The following PIK3R2 variants were observed in gnomAD, a reference collection of about 807,000 sequenced individuals.
PIK3R2 encodes phosphoinositide-3-kinase regulatory subunit 2.
PIK3R2 carries 40 observed loss-of-function variants against 78.5 expected under a neutral mutation model. The ratio of observed to expected loss-of-function variants is 0.51; its 90% CI spans 0.40 to 0.66. The LOEUF is 0.66. PIK3R2 is among the 30% of genes least tolerant of loss of function. PIK3R2 has a pLI of 0.00. For missense variants in PIK3R2, 880 were observed against 1,026.6 expected, an observed-to-expected ratio of 0.86 and a Z score of 1.95; for synonymous variants, 473 against 457.7, an observed-to-expected ratio of 1.03 and a Z score of -0.43.
intron 9 of PIK3R2, 178 bp from the exon 10 acceptor site, chr19:18,162,789 C>T: frequency 1.6e-6 from 1 of 624,568 alleles, no homozygotes; most frequent in Non-Finnish European, 2.8e-6. Context: ...ACTCGGGAGG[C>T]TGAGGCAGGA....
chr19:18,153,251 C>T lies in PIK3R2; in HGVS notation c.-467C>T, dbSNP rs1038024149. 2.6e-5 allele frequency: 4 copies of T among 156,538 alleles called. No homozygotes were observed. The highest frequency in any genetic ancestry group is 4.2e-5 in the Non-Finnish European group (3 of 71,110). The allele number at this position is 156,538 out of a possible 1,614,324, so 9.7% of individuals were successfully genotyped here. ...CGGTGGAGCCACGGGGCGGGCTTGGCTTGGTGTGACGGCGGCTGCGGCGGC... is the reference window on the plus strand; with the variant it reads ...CGGTGGAGCCACGGGGCGGGCTTGGTTTGGTGTGACGGCGGCTGCGGCGGC... On this transcript the variant is annotated 5_prime_UTR_variant, in exon 1 of 16. Coordinates refer to ENST00000222254, the MANE Select transcript of PIK3R2 (RefSeq NM_005027.4).
intron 2 of PIK3R2, among the ~76,000 whole-genome samples, chr19:18,159,254 G>T (rs755829391): frequency 8.7e-5 from 13 of 148,884 alleles, no homozygotes; most frequent in Non-Finnish European, 1.6e-4. Flanking sequence ...GCCTCCCAAA[G>T]TGTTGAGATT....
At position 18,168,744 on chromosome 19, in the gene PIK3R2, G is replaced by A. The variant is rs770299300; in HGVS notation, c.1827G>A (p.Glu609=). The change falls in exon 15 of 16, where the codon GAG becomes GAA. Residue 609 remains glutamate (E), a synonymous_variant. Transcript: ENST00000222254. The surrounding 1 kb of genome is among the most constrained non-coding windows in gnomAD (Gnocchi z 4.1). ...NETEDQYALM[E]DEDDLPHHEE... is the part of the protein sequence containing the mutation. ...ACCCCAGCCAGTACGCACTCATGGA[G>A]GACGAGGACGATCTCCCGCACCACG... 6.8e-6 allele frequency: 11 copies of A among 1,613,346 alleles called. No individual in the cohort carries two copies. Among genetic ancestry groups the A allele is most frequent in the South Asian group, 1.1e-5 (1 of 91,072 alleles).
intron 12 of PIK3R2, 27 bp downstream of exon 12, chr19:18,166,329 C>T: frequency 6.3e-7 from 1 of 1,599,440 alleles, no homozygotes; most frequent in African/African-American, 1.3e-5. Flanking sequence ...TGCCCTGCCC[C>T]ACCCCACCCT....
In PIK3R2 at chr19:18,161,036, G is replaced by T. The variant is rs913264658; in HGVS notation, c.467-18G>T. 1 of 1,611,306 alleles carries T rather than the reference G, an allele frequency of 6.2e-7. No individual in the cohort carries two copies. On this transcript the variant is annotated intron_variant, in intron 4 of 15. Transcript: ENST00000222254. The surrounding 1 kb of genome is among the most constrained non-coding windows in gnomAD (Gnocchi z 5.3). The stretch of plus-strand genomic sequence containing the variant: ...CCCAGTACACATGAGTTGGACGTGT[G>T]CCCCCCTGCACCCGCAGACTGGTCC...
rs772195721 is a variant in PIK3R2, at chr19:18,168,923, C to G, written c.1979+27C>G. 1.2e-6 allele frequency: 2 copies of G among 1,600,214 alleles called. No homozygotes were observed. The highest frequency in any genetic ancestry group is 1.7e-6 in the Non-Finnish European group (2 of 1,172,964). ...TGAGTGGACCGCAGCGGTGGGGATT[C>G]CCGCGTCCCTCCCAGAGCTCTCATT... is the stretch of plus-strand genomic sequence containing the variant. On this transcript the variant is annotated intron_variant, in intron 15 of 15. Transcript: ENST00000222254. The surrounding 1 kb of genome is among the most constrained non-coding windows in gnomAD (Gnocchi z 4.1).
chr19:18,167,825 A>G lies in PIK3R2; in HGVS notation c.1736+519A>G, dbSNP rs118181542. On this transcript the variant is annotated intron_variant, in intron 13 of 15. Coordinates refer to ENST00000222254, the MANE Select transcript of PIK3R2 (RefSeq NM_005027.4). The surrounding 1 kb of genome is among the most constrained non-coding windows in gnomAD (Gnocchi z 4.5). Reference sequence around the variant, plus strand: ...TTTGCAGTGAGCAGAGATTATGCCAATGCAGTTCAGCCTGGGCAACAGAGC... The same window carrying G: ...TTTGCAGTGAGCAGAGATTATGCCAGTGCAGTTCAGCCTGGGCAACAGAGC... Among the ~76,000 whole-genome samples the G allele has an allele frequency of 2.3e-4, 35 of 152,248 alleles. No individual in the cohort carries two copies. The East Asian group carries it at 2.5e-3, about 11-fold the overall frequency.
rs776287462 is a variant in PIK3R2 at position 18,167,159 on chromosome 19, C to A, written c.1589C>A (p.Ser530Tyr). The A allele has an allele frequency of 6.2e-7, 1 of 1,603,912 alleles. No homozygotes were observed. Among genetic ancestry groups the A allele is most frequent in the Non-Finnish European group, 8.5e-7 (1 of 1,175,150 alleles). Residue 530 changes from serine to tyrosine, a missense_variant, in exon 13 of 16, where the codon TCC becomes TAC. Coordinates refer to ENST00000222254, the MANE Select transcript of PIK3R2 (RefSeq NM_005027.4). The surrounding 1 kb of genome is among the most constrained non-coding windows in gnomAD (Gnocchi z 4.5). ...RILLNSERLK[S>Y]RIAEIHESRT... ...CTGCTGAACTCCGAGCGGCTCAAGT[C>A]CCGCATTGCCGAGATCCATGAGAGC...
intron 3 of PIK3R2, 135 bp from the exon 4 acceptor site, chr19:18,160,784 C>T: frequency 8.9e-7 from 1 of 1,129,352 alleles, no homozygotes; most frequent in Non-Finnish European, 1.3e-6. Flanking sequence ...TCTCCCAGTT[C>T]TCCCTCCCCA....
rs2384985 is a variant in PIK3R2, at chr19:18,156,736, A to G, written c.322+535A>G. On this transcript the variant is annotated intron_variant, in intron 2 of 15. Transcript: ENST00000222254. The surrounding 1 kb of genome is among the most constrained non-coding windows in gnomAD (Gnocchi z 4.2). ...TCCAAAATGAAGCCACAAGGAGGGT[A>G]GGATGTGGGCTGCTCAGCTGAGGCC... Among the ~76,000 whole-genome samples, 145,426 of 152,234 alleles carry G rather than the reference A, an allele frequency of 0.96. 69,480 individuals carry two copies. Among genetic ancestry groups the G allele is most frequent in the African/African-American group, 0.97 (40,176 of 41,538 alleles).
chr19:18,155,935 G>A lies in PIK3R2; in HGVS notation c.56G>A (p.Arg19Gln), dbSNP rs754693011. The A allele has an allele frequency of 1.7e-5, 27 of 1,570,076 alleles. No homozygotes were observed. The highest frequency in any genetic ancestry group is 3.3e-4 in the Middle Eastern group (2 of 6,024). Residue 19 changes from arginine (R) to glutamine (Q), a missense_variant, in exon 2 of 16, where the codon CGG (arginine) becomes CAG (glutamine). By Grantham distance (43) the Arg-to-Gln change is conservative. Around this residue, in one of 3 missense-constraint regions of PIK3R2, gnomAD observed 456 missense variants for 486.6 expected, o/e 0.94. Coordinates refer to ENST00000222254, the MANE Select transcript of PIK3R2 (RefSeq NM_005027.4). The part of the protein sequence containing the change: ...YRALYPFRRE[R>Q]PEDLELLPGD... ...GCTCTGTACCCGTTCCGCCGGGAGC[G>A]GCCGGAGGACCTGGAGCTGCTGCCC... is the stretch of plus-strand genomic sequence containing the variant.
In PIK3R2 at chr19:18,156,285, T is replaced by TC; in HGVS notation, c.322+85dup. On this transcript the variant is annotated intron_variant, in intron 2 of 15. Coordinates refer to ENST00000222254, the MANE Select transcript of PIK3R2 (RefSeq NM_005027.4). This position sits in a 1 kb window ranked among gnomAD's most constrained non-coding sequence, Gnocchi z 4.2. Reference sequence around the variant, plus strand: ...TCTTCTGTCCAGTGAGGCAATGGGATCTCCAAGGAAGGAGGAAAAAGGACA... The same window carrying TC: ...TCTTCTGTCCAGTGAGGCAATGGGATCCTCCAAGGAAGGAGGAAAAAGGACA... 9.1e-7 allele frequency: 1 copy of TC among 1,094,190 alleles called. No individual in the cohort carries two copies. The highest frequency in any genetic ancestry group is 1.8e-5 in the South Asian group (1 of 55,946). The allele number at this position is 1,094,190 out of a possible 1,614,324, so 67.8% of individuals were successfully genotyped here.
At chr19:18,163,196 G>A in intron 10 of PIK3R2, 49 bp downstream of exon 10, 1 of 1,613,660 alleles carries the variant, frequency 6.2e-7, no homozygotes, top group Non-Finnish European at 8.5e-7. Flanking sequence ...GCTGGCCCCA[G>A]GCCTCAGTTT....
Position 18,166,173 on chromosome 19 carries a change from A to G in PIK3R2, c.1430A>G (p.Lys477Arg). The change falls in exon 12 of 16, where the codon AAG (lysine) becomes AGG (arginine). Residue 477 changes from lysine to arginine, a missense_variant. Coordinates refer to ENST00000222254, the MANE Select transcript of PIK3R2 (RefSeq NM_005027.4). Reference sequence around the variant, plus strand: ...CCCCTCCTCCAGGAGCTGCAGATGAAGCGTACTGCAATTGAGGCCTTCAAT... The same window carrying G: ...CCCCTCCTCCAGGAGCTGCAGATGAGGCGTACTGCAATTGAGGCCTTCAAT... Reference protein sequence around the residue: ...YTRTSQELQMKRTAIEAFNET... With the variant: ...YTRTSQELQMRRTAIEAFNET... 1 of 1,613,914 alleles carries G rather than the reference A, an allele frequency of 6.2e-7. No individual in the cohort carries two copies. Among genetic ancestry groups the G allele is most frequent in the Non-Finnish European group, 8.5e-7 (1 of 1,179,834 alleles).
In PIK3R2 at chr19:18,161,113, A is replaced by G. The variant is rs1402117198; in HGVS notation, c.526A>G (p.Ser176Gly). 10 of 1,593,488 alleles carry G rather than the reference A, an allele frequency of 6.3e-6. No homozygotes were observed. Among genetic ancestry groups the G allele is most frequent in the Non-Finnish European group, 7.7e-6 (9 of 1,171,056 alleles). Reference protein sequence around the residue: ...DTAALADGIKSFLLALPAPLV... With the variant: ...DTAALADGIKGFLLALPAPLV... ...GGCAGCCCTGGCTGACGGCATTAAG[A>G]GCTTCCTGCTGGCACTGCCCGCGCC... is the stretch of plus-strand genomic sequence containing the variant. The change falls in exon 5 of 16, where the codon AGC becomes GGC. Residue 176 changes from serine to glycine, a missense_variant. Around this residue, in one of 3 missense-constraint regions of PIK3R2, gnomAD observed 456 missense variants for 486.6 expected, o/e 0.94. Transcript: ENST00000222254. This position sits in a 1 kb window ranked among gnomAD's most constrained non-coding sequence, Gnocchi z 5.3.
chr19:18,160,657 G>C (rs2043732305), intron 3 of PIK3R2, 94 bp downstream of exon 3: 3 of 1,062,756 alleles, frequency 2.8e-6, no homozygotes, highest in African/African-American at 1.6e-5. Context: ...AGCTCATGCT[G>C]CACGGAAACA....
intron 2 of PIK3R2, among the ~76,000 whole-genome samples, chr19:18,157,064 C>A (rs2043685013): frequency 6.6e-6 from 1 of 152,218 alleles, no homozygotes; most frequent in Non-Finnish European, 1.5e-5. Context: ...GTACTTGAAA[C>A]CAGTTGGTCA....
chr19:18,162,513 G>A lies in PIK3R2; in HGVS notation c.1109+7G>A. The A allele has an allele frequency of 6.2e-7, 1 of 1,610,088 alleles. No homozygotes were observed. Among genetic ancestry groups the A allele is most frequent in the Admixed American group, 1.7e-5 (1 of 60,000 alleles). ...AGTACACGCTGACCCTCAGGTGGGG[G>A]CCTGTCCCTGCAAGGATAACCGGGG... On this transcript the variant is annotated splice_region_variant and intron_variant, in intron 9 of 15. Transcript: ENST00000222254.
Position 18,167,094 on chromosome 19 carries a change from C to T in PIK3R2, c.1560-36C>T, listed in dbSNP as rs1161918010. 1 of 1,507,774 alleles carries T rather than the reference C, an allele frequency of 6.6e-7. No homozygotes were observed. Among genetic ancestry groups the T allele is most frequent in the African/African-American group, 1.4e-5 (1 of 70,660 alleles). 93.4% of individuals were successfully genotyped at this position (1,507,774 alleles called of 1,614,324 possible). On this transcript the variant is annotated intron_variant, in intron 12 of 15. Transcript: ENST00000222254. This position sits in a 1 kb window ranked among gnomAD's most constrained non-coding sequence, Gnocchi z 4.5. ...GAGGGTGCAGTGAGCCGAGATAAAACCCTGAGGTCTCTGCGCCACCCCACC... is the reference window on the plus strand; with the variant it reads ...GAGGGTGCAGTGAGCCGAGATAAAATCCTGAGGTCTCTGCGCCACCCCACC...
Sources: gnomAD v4.1 joint callset for allele counts (sites outside exome capture counted in the v4.1 genomes callset) on GRCh38, gnomAD v4.1.1 for gene constraint, gnomAD v4.1.1 regional missense constraint, Gnocchi (gnomAD v3.1) non-coding constraint, MANE v1.5 for transcripts, NCBI Gene and HGNC (gene_info 2026-07-23, HGNC 2026-07-21) for gene names.